The following ITPR2 variants were observed in gnomAD, a reference collection of about 807,000 sequenced individuals.
ITPR2 encodes the protein inositol 1,4,5-trisphosphate-gated calcium channel ITPR2.
A neutral mutation model predicts 317.1 loss-of-function variants in ITPR2; 207 were observed. The ratio of observed to expected loss-of-function variants is 0.65; its 90% CI spans 0.58 to 0.73. The LOEUF (loss-of-function observed/expected upper bound fraction) is 0.73. ITPR2 is among the 30% of genes least tolerant of loss of function. ITPR2 has a pLI of 0.00. For missense variants in ITPR2, 2,613 were observed against 3,284.0 expected (o/e 0.80, Z 4.99); for synonymous variants, 1,156 against 1,149.1 (o/e 1.01, Z -0.12).
At chr12:26,432,595 T>A (rs1244147994) in intron 48 of ITPR2, among the ~76,000 whole-genome samples, 2 of 152,198 alleles carry the variant, frequency 1.3e-5, no homozygotes, top group African/African-American at 4.8e-5. Flanking sequence ...TTAGCAGCCA[T>A]GGATAATTTT....
chr12:26,587,646 T>C (rs1945567795), intron 32 of ITPR2, among the ~76,000 whole-genome samples: 1 of 151,624 alleles, frequency 6.6e-6, no homozygotes, highest in South Asian at 2.1e-4. Flanking sequence ...GGTTTTATTC[T>C]GAGCAAGACA....
intron 2 of ITPR2, among the ~76,000 whole-genome samples, chr12:26,759,936 C>T (rs994134163): frequency 2.6e-5 from 4 of 152,318 alleles, no homozygotes; most frequent in African/African-American, 9.6e-5. Context: ...TGTAATTAGT[C>T]ATCCCTAGGT....
intron 9 of ITPR2, 89 bp from the exon 10 acceptor site, chr12:26,695,739 C>A (rs1321321324): frequency 5.0e-6 from 4 of 802,768 alleles, no homozygotes; most frequent in Non-Finnish European, 2.1e-6. Context: ...AATATTCTAT[C>A]CTCAACTAAG....
rs536111634 is a variant in ITPR2, at chr12:26,578,492, C to T, written c.4630+221G>A. Among the ~76,000 whole-genome samples the T allele has an allele frequency of 5.9e-5, 9 of 152,168 alleles. No individual in the cohort carries two copies. The East Asian group carries it at 1.7e-3, about 29-fold the overall frequency. On this transcript the variant is annotated intron_variant, in intron 34 of 56. Transcript: ENST00000381340. The stretch of plus-strand genomic sequence containing the variant: ...CTGAGCCATATTAAAGTTCCATATG[C>T]AATAATATTAAATTTAAGATTTTTA...
At chr12:26,672,663 A>C (rs1475858582) in intron 13 of ITPR2, among the ~76,000 whole-genome samples, 1 of 151,964 alleles carries the variant, frequency 6.6e-6, no homozygotes, top group African/African-American at 2.4e-5. Context: ...GAGCAAACAC[A>C]TTCAAAAGCT....
In ITPR2 at chr12:26,599,365, C is replaced by T. The variant is rs1328586272; in HGVS notation, c.3802-20G>A. The stretch of plus-strand genomic sequence containing the variant: ...AAGGAGCTAAACACAGAGGAACATG[C>T]CCTTGTAATTCTGACAAGATCAATT... On this transcript the variant is annotated intron_variant, in intron 29 of 56. Coordinates refer to ENST00000381340, the MANE Select transcript of ITPR2 (RefSeq NM_002223.4). The T allele has an allele frequency of 1.2e-6, 2 of 1,607,640 alleles. No homozygotes were observed. Among genetic ancestry groups the T allele is most frequent in the Admixed American group, 3.3e-5 (2 of 59,998 alleles).
At chr12:26,424,503 A>G (rs1406444339) in intron 49 of ITPR2, among the ~76,000 whole-genome samples, 1 of 148,736 alleles carries the variant, frequency 6.7e-6, no homozygotes, top group Admixed American at 6.7e-5. Context: ...ATTTTCATGT[A>G]TTTATTTCCT....
At chr12:26,360,370 C>T (rs756929947) in intron 55 of ITPR2, among the ~76,000 whole-genome samples, 20 of 152,172 alleles carry the variant, frequency 1.3e-4, no homozygotes, top group Non-Finnish European at 2.4e-4. Flanking sequence ...TCTTCGAGGT[C>T]CGCTGTTTTG....
At chr12:26,477,145 GTTAACATTC>G (rs1942436448) in intron 43 of ITPR2, 138 bp from the exon 44 acceptor site, 1 of 571,570 alleles carries the variant, frequency 1.7e-6, no homozygotes, top group African/African-American at 1.9e-5. Context: ...CATTTGTCTT[GTTAACATTC>G]TAAAATAGAA....
chr12:26,465,504 A>T (rs574334033), intron 45 of ITPR2, among the ~76,000 whole-genome samples: 2 of 152,328 alleles, frequency 1.3e-5, no homozygotes, highest in East Asian at 3.9e-4. Context: ...CCAGTGGGCT[A>T]GAGGTTTTTT....
chr12:26,474,825 G>A (rs967320314), intron 45 of ITPR2, among the ~76,000 whole-genome samples: 18 of 142,152 alleles, frequency 1.3e-4, no homozygotes, highest in Non-Finnish European at 2.6e-4. Context: ...AGAATTTAAA[G>A]TTTAGCCTCA....
intron 14 of ITPR2, among the ~76,000 whole-genome samples, chr12:26,665,679 C>T (rs951352812): frequency 1.3e-5 from 2 of 152,010 alleles, no homozygotes; most frequent in Non-Finnish European, 2.9e-5. Context: ...GCCTGCAGCC[C>T]CAGCAAACAC....
At chr12:26,590,648 G>T (rs1945675234) in intron 32 of ITPR2, among the ~76,000 whole-genome samples, 3 of 152,154 alleles carry the variant, frequency 2.0e-5, no homozygotes, top group Non-Finnish European at 2.9e-5. Flanking sequence ...TTAAATCTGA[G>T]ATCTCAAACC....
At chr12:26,772,391 TTA>T (rs1343862233) in intron 2 of ITPR2, among the ~76,000 whole-genome samples, 4 of 132,142 alleles carry the variant, frequency 3.0e-5, no homozygotes, top group Non-Finnish European at 3.3e-5. Context: ...TTGTGTTATA[TTA>T]TATATATATA....
intron 1 of ITPR2, among the ~76,000 whole-genome samples, chr12:26,808,279 C>T (rs1159451282): frequency 6.6e-6 from 1 of 152,200 alleles, no homozygotes; most frequent in African/African-American, 2.4e-5. Flanking sequence ...GCAATGCAAA[C>T]CATCCAGCTT....
At chr12:26,670,265 C>G (rs1368627588) in intron 13 of ITPR2, among the ~76,000 whole-genome samples, 1 of 152,230 alleles carries the variant, frequency 6.6e-6, no homozygotes, top group Non-Finnish European at 1.5e-5. Flanking sequence ...TCCCTGACCC[C>G]TGACCCCTGA....
At chr12:26,669,490 G>A (rs982107900) in intron 13 of ITPR2, among the ~76,000 whole-genome samples, 15 of 152,190 alleles carry the variant, frequency 9.9e-5, no homozygotes, top group African/African-American at 3.6e-4. Flanking sequence ...AAACTCCTTT[G>A]TAAACACATC....
chr12:26,728,720 C>T (rs1948977127), intron 2 of ITPR2, among the ~76,000 whole-genome samples: 1 of 152,154 alleles, frequency 6.6e-6, no homozygotes, highest in Non-Finnish European at 1.5e-5. Context: ...CTAATACCTG[C>T]CACACCTAAT....
intron 1 of ITPR2, among the ~76,000 whole-genome samples, chr12:26,819,072 C>G (rs980747539): frequency 2.0e-5 from 3 of 152,154 alleles, no homozygotes; most frequent in African/African-American, 7.2e-5. Context: ...TTTTAAATAT[C>G]TAGCAAAGAG....
Sources: allele counts gnomAD v4.1 joint callset (sites outside exome capture counted in the v4.1 genomes callset), GRCh38; gene constraint gnomAD v4.1.1; transcripts MANE v1.5; gene names NCBI Gene and HGNC (gene_info 2026-07-23, HGNC 2026-07-21).